The following MARCHF1 variants were observed in gnomAD, a reference collection of about 807,000 sequenced individuals.
MARCHF1 encodes E3 ubiquitin-protein ligase MARCHF1.
Under a neutral mutation model 54.2 loss-of-function variants are expected in MARCHF1, and 40 were observed. The observed-to-expected ratio is 0.74, with a 90% confidence interval of 0.57 to 0.96. The LOEUF (loss-of-function observed/expected upper bound fraction) is 0.96. Ranked by LOEUF, MARCHF1 falls within the 40% of genes least tolerant of loss-of-function variation. The probability of loss-of-function intolerance (pLI) is 0.00; values close to 1 mark genes in which losing one functional copy is unlikely to be tolerated. For missense variants in MARCHF1, 586 were observed against 656.5 expected, an observed-to-expected ratio of 0.89 and a Z score of 1.17; for synonymous variants, 236 against 236.3, an observed-to-expected ratio of 1.00 and a Z score of 0.01.
chr4:163,814,582 T>C (rs942007663), intron 4 of MARCHF1, among the ~76,000 whole-genome samples: 1 of 152,024 alleles, frequency 6.6e-6, no homozygotes, highest in Non-Finnish European at 1.5e-5. Context: ...AAACTCCATC[T>C]CAAAAAATAA....
intron 3 of MARCHF1, among the ~76,000 whole-genome samples, chr4:163,878,028 G>T (rs1043456126): frequency 1.3e-5 from 2 of 152,114 alleles, no homozygotes; most frequent in Admixed American, 1.3e-4. Context: ...CTACCTGAAG[G>T]TTTTCTTTCC....
At chr4:163,678,841 T>C (rs1561014089) in intron 5 of MARCHF1, among the ~76,000 whole-genome samples, 1 of 152,220 alleles carries the variant, frequency 6.6e-6, no homozygotes, top group East Asian at 1.9e-4. Context: ...ATTTATCAGG[T>C]TGTTTGGTCA....
At chr4:164,032,852 T>A (rs751476931) in intron 2 of MARCHF1, among the ~76,000 whole-genome samples, 3 of 151,932 alleles carry the variant, frequency 2.0e-5, no homozygotes, top group Non-Finnish European at 4.4e-5. Context: ...GCCAAGACAA[T>A]CCTAAGCAGA....
At chr4:163,561,991 G>A (rs1739482836) in intron 8 of MARCHF1, among the ~76,000 whole-genome samples, 1 of 152,014 alleles carries the variant, frequency 6.6e-6, no homozygotes, top group South Asian at 2.1e-4. Context: ...CCTCTGAAAT[G>A]TAGCTATCAA....
intron 1 of MARCHF1, among the ~76,000 whole-genome samples, chr4:164,356,151 C>A: frequency 8.8e-6 from 1 of 113,430 alleles, no homozygotes; most frequent in East Asian, 2.7e-4. Context: ...AATAGGAACA[C>A]TTTTGCACTG....
rs557440341 is a variant in MARCHF1, at chr4:163,534,612, G to T, written c.1340-5566C>A. On this transcript the variant is annotated intron_variant, in intron 9 of 9. Transcript: ENST00000514618. The stretch of plus-strand genomic sequence containing the variant: ...TAAGAGAAGATGCTAAAAGATGTTA[G>T]AAAACAAATCGTCAAGAAAACAGAC... 2.6e-5 allele frequency among the ~76,000 whole-genome samples: 4 copies of T among 152,128 alleles called. No individual in the cohort carries two copies. The East Asian group carries it at 7.7e-4, about 29-fold the overall frequency.
chr4:164,162,825 A>C (rs1730275785), intron 1 of MARCHF1, among the ~76,000 whole-genome samples: 1 of 152,142 alleles, frequency 6.6e-6, no homozygotes, highest in African/African-American at 2.4e-5. Context: ...GTATTTAGCG[A>C]AATTATGAAA....
At chr4:163,849,382 T>C (rs78150134) in intron 4 of MARCHF1, among the ~76,000 whole-genome samples, 1,810 of 152,260 alleles carry the variant, frequency 0.012, 38 homozygotes, top group East Asian at 0.073. Flanking sequence ...TCATCATCTT[T>C]AGATGGGTAT....
At chr4:163,627,680 GA>G (rs35911517) in intron 5 of MARCHF1, among the ~76,000 whole-genome samples, 4 of 150,182 alleles carry the variant, frequency 2.7e-5, no homozygotes, top group African/African-American at 4.9e-5. Flanking sequence ...TAGTCTATAG[GA>G]AAAAAAAACC....
intron 4 of MARCHF1, among the ~76,000 whole-genome samples, chr4:163,836,941 A>AT (rs1349045236): frequency 2.0e-5 from 3 of 152,144 alleles, no homozygotes; most frequent in Non-Finnish European, 2.9e-5. Context: ...TCTAATGTGA[A>AT]TTTTAATAAT....
chr4:163,872,459 G>GA (rs1464085803), intron 3 of MARCHF1, among the ~76,000 whole-genome samples: 1 of 152,188 alleles, frequency 6.6e-6, no homozygotes, highest in Admixed American at 6.5e-5. Context: ...TGAGAAATTT[G>GA]AAAATCATGC....
chr4:164,350,360 G>A (rs529291330), intron 1 of MARCHF1, among the ~76,000 whole-genome samples: 1 of 152,120 alleles, frequency 6.6e-6, no homozygotes, highest in Non-Finnish European at 1.5e-5. Context: ...GGGTTGGGGG[G>A]AAGGGAGGAT....
In MARCHF1 at chr4:164,244,669, G is replaced by A. The variant is rs993983013; in HGVS notation, c.-322-133007C>T. On this transcript the variant is annotated intron_variant, in intron 1 of 9. Transcript: ENST00000514618. ...CTTCAAAAAATTAATGAATCCAGGA[G>A]CTGGTTTTTTGAAAGGATCAACAAA... 2.0e-3 allele frequency among the ~76,000 whole-genome samples: 295 copies of A among 151,190 alleles called. 1 individual carries two copies. Among genetic ancestry groups the A allele is most frequent in the Middle Eastern group, 0.017 (5 of 294 alleles).
intron 1 of MARCHF1, among the ~76,000 whole-genome samples, chr4:164,113,610 A>G (rs1472857005): frequency 6.6e-6 from 1 of 152,006 alleles, no homozygotes; most frequent in Non-Finnish European, 1.5e-5. Context: ...ATCTCTTTGT[A>G]TGAATGACTT....
chr4:164,254,795 G>A (rs746126266), intron 1 of MARCHF1, among the ~76,000 whole-genome samples: 7 of 152,074 alleles, frequency 4.6e-5, no homozygotes, highest in Admixed American at 1.3e-4. Context: ...CTTTATATTC[G>A]CTGGAAGCTG....
At position 164,091,862 on chromosome 4, in the gene MARCHF1, TTGTGTGTGTG is replaced by T. The variant is rs56160451; in HGVS notation, c.-248+19716_-248+19725del. Among the ~76,000 whole-genome samples the T allele has an allele frequency of 1.4e-3, 202 of 148,646 alleles. 1 individual carries two copies. Among genetic ancestry groups the T allele is most frequent in the African/African-American group, 4.3e-3 (174 of 40,374 alleles). Reference sequence around the variant, plus strand: ...TGAAATGGGAAGTATATGTATACTTTTGTGTGTGTGTGTGTGTGTGTGTGTGTGTGTGTCT... The same window carrying T: ...TGAAATGGGAAGTATATGTATACTTTTGTGTGTGTGTGTGTGTGTGTGTCT... On this transcript the variant is annotated intron_variant, in intron 2 of 9. Transcript: ENST00000514618.
chr4:163,882,798 A>G (rs1374903244), intron 3 of MARCHF1, among the ~76,000 whole-genome samples: 2 of 152,008 alleles, frequency 1.3e-5, no homozygotes, highest in Non-Finnish European at 2.9e-5. Context: ...ATGAAACCTC[A>G]TCTCTACAAA....
intron 3 of MARCHF1, among the ~76,000 whole-genome samples, chr4:163,884,085 A>G (rs1750478321): frequency 6.6e-6 from 1 of 152,144 alleles, no homozygotes; most frequent in African/African-American, 2.4e-5. Flanking sequence ...GTGTCTGGAA[A>G]CTGGTTTCTG....
chr4:163,720,309 G>C (rs369051591), intron 4 of MARCHF1, among the ~76,000 whole-genome samples: 2 of 152,188 alleles, frequency 1.3e-5, no homozygotes, highest in Admixed American at 6.5e-5. Flanking sequence ...TCTTGTTTTT[G>C]TCAGGTTTGT....
Sources: allele counts gnomAD v4.1 joint callset (sites outside exome capture counted in the v4.1 genomes callset), GRCh38; gene constraint gnomAD v4.1.1; transcripts MANE v1.5; gene names NCBI Gene and HGNC (gene_info 2026-07-23, HGNC 2026-07-21).